PTPRF: variants seen among roughly 807,000 people sequenced by gnomAD.
The protein encoded by PTPRF is receptor-type tyrosine-protein phosphatase F.
In PTPRF, 59 loss-of-function variants were observed where a neutral mutation model predicts 201.8. That is an observed-to-expected ratio of 0.29 (90% CI 0.24 to 0.36). PTPRF has a LOEUF of 0.36. Ranked by LOEUF, PTPRF falls within the 10% of genes least tolerant of loss-of-function variation. The probability of loss-of-function intolerance (pLI) is 1.00; values close to 1 mark genes in which losing one functional copy is unlikely to be tolerated. For missense variants in PTPRF, 2,132 were observed against 2,690.5 expected (o/e 0.79, Z 4.59); for synonymous variants, 1,088 against 1,089.7 (o/e 1.00, Z 0.03).
chr1:43,529,598 C>T (rs1044785701), upstream of PTPRF, among the ~76,000 whole-genome samples: 2 of 152,160 alleles, frequency 1.3e-5, no homozygotes, highest in Admixed American at 1.3e-4. Context: ...GGGTAGGTCC[C>T]CCATCCTTCA....
chr1:43,554,087 A>G lies in PTPRF; in HGVS notation c.379+146A>G, dbSNP rs143439448. 5.1e-6 allele frequency: 6 copies of G among 1,168,184 alleles called. No individual in the cohort carries two copies. The African/African-American group carries it at 6.2e-5, about 12-fold the overall frequency. The allele number at this position is 1,168,184 out of a possible 1,614,324, so 72.4% of individuals were successfully genotyped here. ...GGGTCAGTGAAAGTCAGTGGTGGAC[A>G]GGGATAGTCATTGGATCTGGCCTGG... is the stretch of plus-strand genomic sequence containing the variant. On this transcript the variant is annotated intron_variant, in intron 5 of 33. Coordinates refer to ENST00000359947, the MANE Select transcript of PTPRF (RefSeq NM_002840.5). This position sits in a 1 kb window ranked among gnomAD's most constrained non-coding sequence, Gnocchi z 4.1.
rs562660311 is a variant in PTPRF, at chr1:43,546,888, A to C, written c.91+1722A>C. Among the ~76,000 whole-genome samples the C allele has an allele frequency of 1.3e-5, 2 of 152,132 alleles. No individual in the cohort carries two copies. Among genetic ancestry groups the C allele is most frequent in the Non-Finnish European group, 2.9e-5 (2 of 68,020 alleles). ...AAGCTCCGTTGCTTCTACCTTCTGA[A>C]TATCTTTGGAATGCATCCACTTCTC... On this transcript the variant is annotated intron_variant, in intron 3 of 33. Coordinates refer to ENST00000359947, the MANE Select transcript of PTPRF (RefSeq NM_002840.5). This position sits in a 1 kb window ranked among gnomAD's most constrained non-coding sequence, Gnocchi z 4.2.
chr1:43,566,766 C>G (rs926665224), intron 5 of PTPRF, among the ~76,000 whole-genome samples: 2 of 152,254 alleles, frequency 1.3e-5, no homozygotes, highest in South Asian at 4.2e-4. Context: ...GGCAGAGTGG[C>G]AGACTTCCGA....
chr1:43,617,692 G>A (rs1474182396), intron 24 of PTPRF, 44 bp from the exon 25 acceptor site: 2 of 1,602,170 alleles, frequency 1.2e-6, no homozygotes, highest in South Asian at 2.2e-5. Flanking sequence ...GGCTGGGCTG[G>A]GGACCCTGTA....
chr1:43,582,777 C>T (rs1232352024), intron 7 of PTPRF, among the ~76,000 whole-genome samples: 1 of 152,228 alleles, frequency 6.6e-6, no homozygotes, highest in African/African-American at 2.4e-5. Context: ...GCATGGGGGC[C>T]TGCCTGTGCC....
chr1:43,619,530 T>C lies in PTPRF; in HGVS notation c.4889T>C (p.Val1630Ala), dbSNP rs1214567224. ...LYAHIQKLGQVPPGESVTAME... is the reference protein window; with the variant it reads ...LYAHIQKLGQAPPGESVTAME... The stretch of plus-strand genomic sequence containing the variant: ...GCCCACATCCAGAAGCTGGGCCAAG[T>C]GCCTCCAGGGGAGAGTGTGACCGCC... Residue 1630 changes from valine (V) to alanine (A), a missense_variant, in exon 28 of 34, where the codon GTG becomes GCG. Coordinates refer to ENST00000359947, the MANE Select transcript of PTPRF (RefSeq NM_002840.5). 1 of 1,613,960 alleles carries C rather than the reference T, an allele frequency of 6.2e-7. No homozygotes were observed. Among genetic ancestry groups the C allele is most frequent in the South Asian group, 1.1e-5 (1 of 91,076 alleles).
At chr1:43,539,631 A>G (rs1644238635) in intron 2 of PTPRF, among the ~76,000 whole-genome samples, 1 of 152,194 alleles carries the variant, frequency 6.6e-6, no homozygotes, top group African/African-American at 2.4e-5. Flanking sequence ...AGGGTGCAGC[A>G]AGAGGGGCTG....
chr1:43,553,419 G>A lies in PTPRF; in HGVS notation c.92-73G>A. 6.7e-7 allele frequency: 1 copy of A among 1,495,476 alleles called. No homozygotes were observed. The allele number at this position is 1,495,476 out of a possible 1,614,324, so 92.6% of individuals were successfully genotyped here. A position where few individuals can be genotyped will look rare whatever the true frequency, so the allele number is the denominator to read the frequency against. On this transcript the variant is annotated intron_variant, in intron 3 of 33. Coordinates refer to ENST00000359947, the MANE Select transcript of PTPRF (RefSeq NM_002840.5). The surrounding 1 kb of genome is among the most constrained non-coding windows in gnomAD (Gnocchi z 4.1). ...TGTAGGTCTTTCTCTCTGCCCCCAT[G>A]ACTGCCACCTTCCTCACTGGCCATT...
At chr1:43,612,563 A>G (rs1656704958) in intron 22 of PTPRF, among the ~76,000 whole-genome samples, 1 of 152,098 alleles carries the variant, frequency 6.6e-6, no homozygotes, top group South Asian at 2.1e-4. Flanking sequence ...CCCAGTCTGT[A>G]TTAACTGGGA....
At chr1:43,593,497 CTG>C (rs1651416635) in intron 11 of PTPRF, among the ~76,000 whole-genome samples, 1 of 152,178 alleles carries the variant, frequency 6.6e-6, no homozygotes, top group African/African-American at 2.4e-5. Flanking sequence ...GCGTGAGACT[CTG>C]TGTGATAGGG....
At chr1:43,570,279 T>C (rs1217571898) in intron 6 of PTPRF, among the ~76,000 whole-genome samples, 2 of 152,196 alleles carry the variant, frequency 1.3e-5, no homozygotes, top group Admixed American at 6.5e-5. Flanking sequence ...CCTCTGGATG[T>C]CTCCGTCGAG....
chr1:43,611,977 G>A (rs1370078726), intron 22 of PTPRF, among the ~76,000 whole-genome samples: 1 of 152,194 alleles, frequency 6.6e-6, no homozygotes, highest in African/African-American at 2.4e-5. Context: ...CTCCCAGGGT[G>A]AGGGCCAGAA....
At chr1:43,523,762 T>C (rs533960912), upstream of PTPRF, among the ~76,000 whole-genome samples, 92 of 152,148 alleles carry the variant, frequency 6.0e-4, 1 homozygote, top group South Asian at 2.1e-3. Flanking sequence ...AAGAAGAGGC[T>C]GGGGCCGGGC....
intron 2 of PTPRF, among the ~76,000 whole-genome samples, chr1:43,544,670 T>C (rs1287577857): frequency 2.0e-5 from 3 of 152,178 alleles, no homozygotes; most frequent in Non-Finnish European, 4.4e-5. Context: ...CCTGTCCTCT[T>C]ATGGGGGTGA....
intron 3 of PTPRF, among the ~76,000 whole-genome samples, chr1:43,547,785 C>T (rs1195255873): frequency 6.6e-6 from 1 of 152,234 alleles, no homozygotes; most frequent in Non-Finnish European, 1.5e-5. Context: ...GTCAGTGCCG[C>T]ACGCGCAGCT....
rs376965374 is a variant in PTPRF, at chr1:43,615,716, G to A, written c.4072-1729G>A. On this transcript the variant is annotated intron_variant, in intron 23 of 33. Transcript: ENST00000359947. ...CGAGTAGCTGGGACTACAGGTGCCC[G>A]CTACCACACCCGGCTAATTTTTTTT... Among the ~76,000 whole-genome samples the A allele has an allele frequency of 6.5e-4, 99 of 151,720 alleles. No homozygotes were observed. The East Asian group carries it at 0.015, about 24-fold the overall frequency.
rs576161003 is a variant in PTPRF, at chr1:43,595,902, G to C, written c.1814-1846G>C. 2.0e-5 allele frequency among the ~76,000 whole-genome samples: 3 copies of C among 152,264 alleles called. No individual in the cohort carries two copies. In the South Asian group the frequency reaches 6.2e-4, roughly 32 times the overall value. On this transcript the variant is annotated intron_variant, in intron 11 of 33. Coordinates refer to ENST00000359947, the MANE Select transcript of PTPRF (RefSeq NM_002840.5). ...GGGGACTGTTTCATGTGAGGTGGCA[G>C]AGCGAGCCAGGCAGGGGGCAGAAAC... is the stretch of plus-strand genomic sequence containing the variant.
At chr1:43,615,825 C>CA (rs771728791) in intron 23 of PTPRF, among the ~76,000 whole-genome samples, 20 of 152,010 alleles carry the variant, frequency 1.3e-4, no homozygotes, top group East Asian at 5.8e-4. Flanking sequence ...CTTGGCCTCC[C>CA]AAGTGCTGGG....
intron 5 of PTPRF, among the ~76,000 whole-genome samples, chr1:43,557,148 C>T (rs970175315): frequency 1.6e-4 from 24 of 152,236 alleles, no homozygotes; most frequent in Non-Finnish European, 2.8e-4. Context: ...GGCTTCTTTT[C>T]AGGCTCTCAG....
Sources: gnomAD v4.1 joint callset for allele counts (sites outside exome capture counted in the v4.1 genomes callset) on GRCh38, gnomAD v4.1.1 for gene constraint, Gnocchi (gnomAD v3.1) non-coding constraint, MANE v1.5 for transcripts, NCBI Gene and HGNC (gene_info 2026-07-23, HGNC 2026-07-21) for gene names.